PTPRD: variants seen among roughly 807,000 people sequenced by gnomAD.
PTPRD encodes receptor-type tyrosine-protein phosphatase delta.
In PTPRD, 34 loss-of-function variants were observed where a neutral mutation model predicts 214.5. The ratio of observed to expected loss-of-function variants is 0.16; its 90% CI spans 0.12 to 0.21. PTPRD has a LOEUF of 0.21. Among genes scored for constraint, PTPRD ranks in the 10% least tolerant of loss-of-function variants. The pLI is 1.00. For missense variants in PTPRD, 2,545 were observed against 2,398.7 expected (o/e 1.06, Z -1.27); for synonymous variants, 1,128 against 845.7 (o/e 1.33, Z -5.79).
chr9:9,491,599 C>T (rs921584450), intron 8 of PTPRD, among the ~76,000 whole-genome samples: 7 of 151,852 alleles, frequency 4.6e-5, no homozygotes, highest in African/African-American at 1.5e-4. Flanking sequence ...TATCTTCAAA[C>T]CACAACAGGA....
chr9:10,606,524 C>G (rs1390810024), intron 2 of PTPRD, among the ~76,000 whole-genome samples: 1 of 135,746 alleles, frequency 7.4e-6, no homozygotes, highest in Non-Finnish European at 1.6e-5. Context: ...ATTACTTCTT[C>G]TTTATTTTCT....
chr9:9,238,218 C>T (rs538907790), intron 9 of PTPRD, among the ~76,000 whole-genome samples: 1 of 152,112 alleles, frequency 6.6e-6, no homozygotes, highest in South Asian at 2.1e-4. Flanking sequence ...AAGTTTCTCT[C>T]AGGTCTGAAG....
intron 10 of PTPRD, among the ~76,000 whole-genome samples, chr9:9,133,129 T>C (rs1168181513): frequency 1.3e-5 from 2 of 152,238 alleles, no homozygotes; most frequent in Non-Finnish European, 2.9e-5. Flanking sequence ...TAGTGGTTTC[T>C]GTATTTGGCT....
intron 2 of PTPRD, among the ~76,000 whole-genome samples, chr9:10,434,523 G>A (rs1319035700): frequency 6.6e-6 from 1 of 151,750 alleles, no homozygotes; most frequent in Non-Finnish European, 1.5e-5. Context: ...AGGAGTATCA[G>A]ACATTCTTTC....
At chr9:9,268,541 G>A (rs932690247) in intron 9 of PTPRD, among the ~76,000 whole-genome samples, 1 of 151,126 alleles carries the variant, frequency 6.6e-6, no homozygotes, top group Non-Finnish European at 1.5e-5. Flanking sequence ...AATAACAAAG[G>A]ATTCCCAATA....
intron 2 of PTPRD, among the ~76,000 whole-genome samples, chr9:10,398,240 G>T (rs1371259369): frequency 6.6e-6 from 1 of 151,412 alleles, no homozygotes; most frequent in Admixed American, 6.6e-5. Flanking sequence ...AATTAGCCAG[G>T]CATGGCGGTA....
chr9:9,825,606 C>A (rs1449184971), intron 5 of PTPRD, among the ~76,000 whole-genome samples: 1 of 151,868 alleles, frequency 6.6e-6, no homozygotes, highest in African/African-American at 2.4e-5. Context: ...TAAATGTTCA[C>A]CATTAACTAG....
chr9:9,851,059 T>C (rs1179629470), intron 5 of PTPRD, among the ~76,000 whole-genome samples: 1 of 152,192 alleles, frequency 6.6e-6, no homozygotes, highest in East Asian at 1.9e-4. Flanking sequence ...TATCTGCAAA[T>C]TGGGGATCAC....
At chr9:9,931,168 G>A (rs994438340) in intron 5 of PTPRD, among the ~76,000 whole-genome samples, 1 of 152,014 alleles carries the variant, frequency 6.6e-6, no homozygotes, top group Non-Finnish European at 1.5e-5. Flanking sequence ...GAAAAAAATT[G>A]ATTGTAACAA....
At position 9,510,170 on chromosome 9, in the gene PTPRD, C is replaced by T. The variant is rs116495427; in HGVS notation, c.-237+64562G>A. Among the ~76,000 whole-genome samples the T allele has an allele frequency of 8.5e-3, 1,293 of 151,794 alleles. 22 individuals are homozygous for T. The highest frequency in any genetic ancestry group is 0.03 in the African/African-American group (1,235 of 41,488). ...GGGTGGAGTAGCTTTCTGTTTTTCA[C>T]AAATCAAGGTGGCCTCATCAACACT... On this transcript the variant is annotated intron_variant, in intron 8 of 45. Coordinates refer to ENST00000381196, the MANE Select transcript of PTPRD (RefSeq NM_002839.4).
At chr9:9,073,344 C>T (rs1003979562) in intron 10 of PTPRD, among the ~76,000 whole-genome samples, 2 of 152,104 alleles carry the variant, frequency 1.3e-5, no homozygotes, top group Non-Finnish European at 2.9e-5. Context: ...GCAAATAGGA[C>T]AATATGGGAC....
intron 39 of PTPRD, among the ~76,000 whole-genome samples, chr9:8,365,523 G>A (rs535681355): frequency 2.6e-5 from 4 of 152,216 alleles, no homozygotes; most frequent in Non-Finnish European, 2.9e-5. Flanking sequence ...CGAGCCTGGG[G>A]AGGGAAATTC....
At chr9:9,141,462 C>T (rs983256700) in intron 10 of PTPRD, among the ~76,000 whole-genome samples, 15 of 152,096 alleles carry the variant, frequency 9.9e-5, no homozygotes, top group Non-Finnish European at 2.1e-4. Flanking sequence ...TATAGACAAC[C>T]TTATTAGCAC....
At chr9:9,130,330 A>C (rs10123679) in intron 10 of PTPRD, among the ~76,000 whole-genome samples, 5,170 of 152,282 alleles carry the variant, frequency 0.034, 195 homozygotes, top group African/African-American at 0.076. Context: ...AAAACATCAA[A>C]ATTTTAAGTA....
At chr9:9,339,413 G>A (rs962381783) in intron 9 of PTPRD, among the ~76,000 whole-genome samples, 1 of 151,978 alleles carries the variant, frequency 6.6e-6, no homozygotes, top group African/African-American at 2.4e-5. Flanking sequence ...GTGAACCTGA[G>A]AGGAGGAGCT....
At chr9:9,788,325 G>C (rs1328875579) in intron 5 of PTPRD, among the ~76,000 whole-genome samples, 1 of 151,160 alleles carries the variant, frequency 6.6e-6, no homozygotes, top group African/African-American at 2.4e-5. Flanking sequence ...GCCGAGGTGG[G>C]TGGATCACGA....
At chr9:10,413,279 A>G (rs1352751048) in intron 2 of PTPRD, among the ~76,000 whole-genome samples, 4 of 151,956 alleles carry the variant, frequency 2.6e-5, no homozygotes, top group Admixed American at 1.3e-4. Flanking sequence ...TATAAAATCA[A>G]TGTACAAAAG....
intron 11 of PTPRD, among the ~76,000 whole-genome samples, chr9:8,881,044 G>A (rs2098441920): frequency 6.6e-6 from 1 of 152,172 alleles, no homozygotes; most frequent in South Asian, 2.1e-4. Flanking sequence ...TAGAATTATA[G>A]GTGTGAGCCA....
At chr9:10,574,325 T>C (rs577451626) in intron 2 of PTPRD, among the ~76,000 whole-genome samples, 2 of 152,212 alleles carry the variant, frequency 1.3e-5, no homozygotes, top group South Asian at 4.2e-4. Flanking sequence ...ATCCAGGTTG[T>C]CAGGAAAGCA....
Sources: allele counts gnomAD v4.1 joint callset (sites outside exome capture counted in the v4.1 genomes callset), GRCh38; gene constraint gnomAD v4.1.1; transcripts MANE v1.5; gene names NCBI Gene and HGNC (gene_info 2026-07-23, HGNC 2026-07-21).